The following MALRD1 variants were observed in gnomAD, a reference collection of about 807,000 sequenced individuals.
MALRD1 encodes MAM and LDL-receptor class A domain-containing protein 1.
A neutral mutation model predicts 242.1 loss-of-function variants in MALRD1; 247 were observed. That is an observed-to-expected ratio of 1.02 (90% CI 0.92 to 1.13). MALRD1 has a LOEUF of 1.13. Ranked by LOEUF, MALRD1 falls within the 50% of genes most tolerant of loss-of-function variation. The probability of loss-of-function intolerance (pLI) is 0.00; values close to 1 mark genes in which losing one functional copy is unlikely to be tolerated. For synonymous variants in MALRD1, 995 were observed against 866.6 expected (o/e 1.15, Z -2.60); for missense variants, 2,989 against 2,533.1 (o/e 1.18, Z -3.86).
chr10:19,285,044 T>G (rs1159531800), intron 21 of MALRD1, among the ~76,000 whole-genome samples: 1 of 116,342 alleles, frequency 8.6e-6, no homozygotes, highest in African/African-American at 3.7e-5. Context: ...GCTGCATAAA[T>G]GTCTTCTTTT....
intron 34 of MALRD1, among the ~76,000 whole-genome samples, chr10:19,601,968 A>G (rs1174840753): frequency 6.6e-6 from 1 of 152,086 alleles, no homozygotes; most frequent in Non-Finnish European, 1.5e-5. Flanking sequence ...TTGTGTATAT[A>G]TACACAAATA....
At chr10:19,070,763 A>T (rs970591346) in intron 2 of MALRD1, among the ~76,000 whole-genome samples, 1 of 146,190 alleles carries the variant, frequency 6.8e-6, no homozygotes, top group Non-Finnish European at 1.5e-5. Context: ...GGGATGCATT[A>T]TATATATTTT....
At chr10:19,126,269 C>T (rs1034431939) in intron 7 of MALRD1, among the ~76,000 whole-genome samples, 1 of 152,080 alleles carries the variant, frequency 6.6e-6, no homozygotes, top group African/African-American at 2.4e-5. Flanking sequence ...CATATATCAT[C>T]ACTTGCAGAA....
At chr10:19,652,731 A>G (rs1840953865) in intron 36 of MALRD1, among the ~76,000 whole-genome samples, 1 of 152,204 alleles carries the variant, frequency 6.6e-6, no homozygotes, top group South Asian at 2.1e-4. Context: ...TACATTACCT[A>G]ACTCTTTATA....
intron 28 of MALRD1, among the ~76,000 whole-genome samples, chr10:19,445,358 G>A (rs927206513): frequency 1.3e-5 from 2 of 152,160 alleles, no homozygotes; most frequent in African/African-American, 4.8e-5. Flanking sequence ...TTGCTGACTA[G>A]GAGCTGCGTT....
chr10:19,631,608 C>G (rs1468447187), intron 36 of MALRD1, among the ~76,000 whole-genome samples: 1 of 152,120 alleles, frequency 6.6e-6, no homozygotes, highest in African/African-American at 2.4e-5. Flanking sequence ...ACACTCTCAT[C>G]AACAGTGTAT....
At chr10:19,524,481 G>A (rs919638763) in intron 31 of MALRD1, among the ~76,000 whole-genome samples, 2 of 151,782 alleles carry the variant, frequency 1.3e-5, no homozygotes, top group African/African-American at 4.8e-5. Flanking sequence ...AAAAAAAATT[G>A]CAGATGCACG....
At chr10:19,608,355 T>C (rs564815134) in intron 35 of MALRD1, among the ~76,000 whole-genome samples, 9 of 152,230 alleles carry the variant, frequency 5.9e-5, no homozygotes, top group Middle Eastern at 3.4e-3. Flanking sequence ...AAACCTTAGC[T>C]TGACTTCTAA....
chr10:19,314,344 G>A (rs1164764810), intron 21 of MALRD1, among the ~76,000 whole-genome samples: 1 of 151,558 alleles, frequency 6.6e-6, no homozygotes, highest in Non-Finnish European at 1.5e-5. Context: ...AAAAAGGCTT[G>A]AAAATGAGGG....
At chr10:19,434,040 C>T (rs961102329) in intron 28 of MALRD1, among the ~76,000 whole-genome samples, 6 of 152,026 alleles carry the variant, frequency 3.9e-5, no homozygotes, top group Non-Finnish European at 7.4e-5. Flanking sequence ...ATGGTAAAAA[C>T]GAAAATGATT....
At chr10:19,718,785 C>A (rs143931977) in intron 38 of MALRD1, among the ~76,000 whole-genome samples, 2 of 151,900 alleles carry the variant, frequency 1.3e-5, no homozygotes, top group South Asian at 2.1e-4. Flanking sequence ...TGTGATGAAC[C>A]TTTTTCTATA....
At chr10:19,128,168 C>A in intron 7 of MALRD1, 53 bp from the exon 8 acceptor site, 1 of 1,173,710 alleles carries the variant, frequency 8.5e-7, no homozygotes, top group Non-Finnish European at 1.1e-6. Flanking sequence ...TTTAGTCAGA[C>A]AGAAAGAAGC....
intron 21 of MALRD1, among the ~76,000 whole-genome samples, chr10:19,294,071 T>C (rs1210493075): frequency 1.3e-5 from 2 of 152,162 alleles, no homozygotes; most frequent in Admixed American, 6.5e-5. Context: ...AAAAGGTCTA[T>C]AAAATTATGT....
chr10:19,611,567 A>T (rs974904203), intron 35 of MALRD1, among the ~76,000 whole-genome samples: 1 of 152,010 alleles, frequency 6.6e-6, no homozygotes, highest in Non-Finnish European at 1.5e-5. Flanking sequence ...CCAGAGAGAC[A>T]TTGCTGTGGC....
chr10:19,312,695 C>T (rs2131994986), intron 21 of MALRD1, among the ~76,000 whole-genome samples: 1 of 151,304 alleles, frequency 6.6e-6, no homozygotes, highest in South Asian at 2.1e-4. Flanking sequence ...ACATGCCTAC[C>T]ACCCCATCAA....
At chr10:19,668,772 T>C (rs1180787598) in intron 36 of MALRD1, among the ~76,000 whole-genome samples, 1 of 151,076 alleles carries the variant, frequency 6.6e-6, no homozygotes, top group East Asian at 1.9e-4. Flanking sequence ...CCCCTTCTCC[T>C]CCAAAAAAAG....
chr10:19,302,161 A>G (rs1342684030), intron 21 of MALRD1, among the ~76,000 whole-genome samples: 2 of 151,816 alleles, frequency 1.3e-5, no homozygotes, highest in Non-Finnish European at 2.9e-5. Context: ...CATACTTGCT[A>G]ATGGTAATGT....
At chr10:19,224,364 G>C (rs1837694364) in intron 18 of MALRD1, among the ~76,000 whole-genome samples, 1 of 148,574 alleles carries the variant, frequency 6.7e-6, no homozygotes, top group African/African-American at 2.5e-5. Context: ...TCGGCTCACT[G>C]CAACCTCCAC....
intron 36 of MALRD1, among the ~76,000 whole-genome samples, chr10:19,655,503 T>G (rs1322287713): frequency 2.1e-5 from 3 of 146,278 alleles, no homozygotes; most frequent in Non-Finnish European, 3.0e-5. Flanking sequence ...CATATATATG[T>G]GTGTGTGTAC....
Sources: gnomAD v4.1 joint callset for allele counts (sites outside exome capture counted in the v4.1 genomes callset) on GRCh38, gnomAD v4.1.1 for gene constraint, MANE v1.5 for transcripts, NCBI Gene and HGNC (gene_info 2026-07-23, HGNC 2026-07-21) for gene names.